Variants in OR52N4 observed in about 807,000 individuals in gnomAD.
The protein encoded by OR52N4 is olfactory receptor 52N4.
Under a neutral mutation model 15.0 loss-of-function variants are expected in OR52N4, and 15 were observed. The ratio of observed to expected loss-of-function variants is 1.00; its 90% CI spans 0.67 to 1.54. The LOEUF (loss-of-function observed/expected upper bound fraction) is 1.54. Ranked by LOEUF, OR52N4 falls within the 40% of genes most tolerant of loss-of-function variation. The pLI, the probability that OR52N4 is intolerant of heterozygous loss-of-function variation, is 0.00. For synonymous variants in OR52N4, 143 were observed against 143.7 expected (o/e 1.00, Z 0.03); for missense variants, 421 against 394.0 (o/e 1.07, Z -0.58).
chr11:5,739,923 G>A, the OR52N4 span, among the ~76,000 whole-genome samples: 2 of 128,312 alleles, frequency 1.6e-5, 1 homozygote, highest in East Asian at 5.4e-4. Context: ...AACTGGCCCG[G>A]CTAAGACTTT....
At chr11:5,737,336 G>A in the OR52N4 span, 3 of 1,613,896 alleles carry the variant, frequency 1.9e-6, no homozygotes, top group Non-Finnish European at 2.5e-6. Context: ...TCATCTGACA[G>A]AGATGAAGGC....
chr11:5,727,229 G>C, the OR52N4 span: 3 of 153,232 alleles, frequency 2.0e-5, no homozygotes, highest in African/African-American at 7.2e-5. Context: ...GGGACCTGTG[G>C]TTCCCATGTC....
the OR52N4 span, chr11:5,726,514 C>A: frequency 0.44 from 65,898 of 150,718 alleles, 14,447 homozygotes; most frequent in Non-Finnish European, 0.46. Context: ...GGAATCTCCT[C>A]ATCACACTGA....
At chr11:5,737,010 T>A in the OR52N4 span, 1 of 1,614,166 alleles carries the variant, frequency 6.2e-7, no homozygotes, top group Non-Finnish European at 8.5e-7. Context: ...GGCTTATTTG[T>A]CACTCCAGTG....
chr11:5,727,653 TG>T, the OR52N4 span, among the ~76,000 whole-genome samples: 1 of 152,074 alleles, frequency 6.6e-6, no homozygotes, highest in African/African-American at 2.4e-5. Flanking sequence ...AGTGTAAACA[TG>T]GGAAGATTCT....
At chr11:5,736,677 T>C in the OR52N4 span, 1 of 1,614,006 alleles carries the variant, frequency 6.2e-7, no homozygotes, top group Non-Finnish European at 8.5e-7. Context: ...AACACCCTCA[T>C]CCTCATCATC....
upstream of OR52N4, chr11:5,754,110 T>A (rs915851069): frequency 2.6e-5 from 4 of 151,704 alleles, no homozygotes; most frequent in African/African-American, 9.7e-5. Flanking sequence ...TTTTAAAATA[T>A]ACAATTAAAT....
chr11:5,744,449 A>G, the OR52N4 span, among the ~76,000 whole-genome samples: 7 of 152,340 alleles, frequency 4.6e-5, no homozygotes, highest in East Asian at 9.6e-4. Flanking sequence ...TTGATACAAA[A>G]ATCTTCAGCG....
At chr11:5,751,702 T>G (rs993285272), upstream of OR52N4, among the ~76,000 whole-genome samples, 12 of 152,162 alleles carry the variant, frequency 7.9e-5, no homozygotes, top group African/African-American at 2.7e-4. Flanking sequence ...ATATGAGAGA[T>G]TTGATTTGCT....
the OR52N4 span, chr11:5,736,708 A>ACAG: frequency 6.2e-7 from 1 of 1,613,980 alleles, no homozygotes; most frequent in African/African-American, 1.3e-5. Flanking sequence ...ACCCTTCTTT[A>ACAG]CAGCAGCCCA....
At chr11:5,737,510 A>C in the OR52N4 span, 73 of 1,587,154 alleles carry the variant, frequency 4.6e-5, no homozygotes, top group Non-Finnish European at 6.2e-5. Flanking sequence ...TCCATGATGT[A>C]CATGAACCTC....
intron 1 of OR52N4, 108 bp from the exon 2 acceptor site, chr11:5,754,585 A>G: frequency 1.5e-6 from 1 of 648,138 alleles, no homozygotes; most frequent in East Asian, 2.9e-5. Context: ...GCACTCAGAA[A>G]TTTGGTTGTT....
At position 5,755,448 on chromosome 11, in the gene OR52N4, G is replaced by T; in HGVS notation, c.708G>T (p.Arg236=). 1 of 1,614,028 alleles carries T rather than the reference G, an allele frequency of 6.2e-7. No individual in the cohort carries two copies. Among genetic ancestry groups the T allele is most frequent in the Non-Finnish European group, 8.5e-7 (1 of 1,179,962 alleles). ...AVVSLSSADA[R]QKAFNTCTAH... Reference sequence around the variant, plus strand: ...TCAGCCTCTCCTCAGCAGATGCTCGGCAGAAGGCCTTTAATACCTGCACTG... The same window carrying T: ...TCAGCCTCTCCTCAGCAGATGCTCGTCAGAAGGCCTTTAATACCTGCACTG... The change falls in exon 2 of 2, where the codon CGG becomes CGT. Residue 236 remains arginine, a synonymous_variant. Coordinates refer to ENST00000641350, the MANE Select transcript of OR52N4 (RefSeq NM_001005175.5).
the OR52N4 span, among the ~76,000 whole-genome samples, chr11:5,739,783 C>G: frequency 4.7e-5 from 6 of 128,234 alleles, 2 homozygotes; most frequent in Admixed American, 3.0e-4. Context: ...GCATCTGCAC[C>G]TTCACACAAA....
the OR52N4 span, chr11:5,736,498 T>C: frequency 6.2e-7 from 1 of 1,610,182 alleles, no homozygotes; most frequent in Non-Finnish European, 8.5e-7. Context: ...AAATAGAGAT[T>C]TGAAATTCAT....
At chr11:5,726,624 T>C in the OR52N4 span, 1 of 152,276 alleles carries the variant, frequency 6.6e-6, no homozygotes, top group Non-Finnish European at 1.5e-5. Flanking sequence ...ACAGCCACAA[T>C]TGTGGGCAAT....
chr11:5,736,264 G>A, the OR52N4 span: 1 of 471,188 alleles, frequency 2.1e-6, no homozygotes, highest in Non-Finnish European at 3.8e-6. Context: ...AACTTGAAAT[G>A]ATGTAGCTAT....
At chr11:5,754,184 A>T (rs1854248741), upstream of OR52N4, 1 of 152,138 alleles carries the variant, frequency 6.6e-6, no homozygotes, top group Non-Finnish European at 1.5e-5. Flanking sequence ...TCATTGAGTA[A>T]TAATTTAATT....
chr11:5,733,316 T>A, the OR52N4 span, among the ~76,000 whole-genome samples: 1 of 152,144 alleles, frequency 6.6e-6, no homozygotes, highest in Non-Finnish European at 1.5e-5. Context: ...TGAGGTTACC[T>A]TGTTGTTACA....
Sources: allele counts gnomAD v4.1 joint callset (sites outside exome capture counted in the v4.1 genomes callset), GRCh38; gene constraint gnomAD v4.1.1; transcripts MANE v1.5; gene names NCBI Gene and HGNC (gene_info 2026-07-23, HGNC 2026-07-21).